PLXNA4: variants seen among roughly 807,000 people sequenced by gnomAD.
PLXNA4 encodes plexin-A4.
A neutral mutation model predicts 191.8 loss-of-function variants in PLXNA4; 44 were observed. That is an observed-to-expected ratio of 0.23 (90% confidence interval 0.18 to 0.29). The LOEUF (loss-of-function observed/expected upper bound fraction) is 0.29. PLXNA4 is among the 10% of genes least tolerant of loss of function. The pLI, the probability that PLXNA4 is intolerant of heterozygous loss-of-function variation, is 1.00. For synonymous variants in PLXNA4, 1,082 were observed against 1,009.5 expected (o/e 1.07, Z -1.36); for missense variants, 1,800 against 2,488.8 (o/e 0.72, Z 5.89).
chr7:132,141,702 A>C (rs1357611702), intron 29 of PLXNA4, among the ~76,000 whole-genome samples: 3 of 152,066 alleles, frequency 2.0e-5, no homozygotes, highest in African/African-American at 4.8e-5. Context: ...TGGGAGTTTT[A>C]AAACTTGTGT....
chr7:132,620,810 G>T (rs1277033975), intron 2 of PLXNA4, among the ~76,000 whole-genome samples: 1 of 152,136 alleles, frequency 6.6e-6, no homozygotes, highest in Non-Finnish European at 1.5e-5. Flanking sequence ...AGTCGTTCGG[G>T]CTGCTATCAC....
chr7:132,131,459 A>G (rs544456140), intron 31 of PLXNA4, among the ~76,000 whole-genome samples: 1 of 152,168 alleles, frequency 6.6e-6, no homozygotes, highest in East Asian at 1.9e-4. Context: ...GGCACTAGAC[A>G]ATTGGGTGGA....
At position 132,322,184 on chromosome 7, in the gene PLXNA4, C is replaced by CTGTCTTTTTTTTTTTTT. The variant is rs376377991; in HGVS notation, c.1372-23963_1372-23962insAAAAAAAAAAAAAGACA. Among the ~76,000 whole-genome samples, 328 of 122,478 alleles carry CTGTCTTTTTTTTTTTTT rather than the reference C, an allele frequency of 2.7e-3. 8 individuals are homozygous for CTGTCTTTTTTTTTTTTT. The highest frequency in any genetic ancestry group is 8.9e-3 in the African/African-American group (295 of 33,318). The allele number at this position is 122,478 out of a possible 152,430, so 80.4% of individuals were successfully genotyped here. A position where few individuals can be genotyped will look rare whatever the true frequency, so the allele number is the denominator to read the frequency against. On this transcript the variant is annotated intron_variant, in intron 3 of 31. Coordinates refer to ENST00000321063, the MANE Select transcript of PLXNA4 (RefSeq NM_020911.2). The stretch of plus-strand genomic sequence containing the variant: ...CTAGAGTTCAATTTCCCTAAAAGGG[C>CTGTCTTTTTTTTTTTTT]TTTTTTTTTTTTTTTTTTAACAGAG...
At chr7:132,241,004 C>T in intron 5 of PLXNA4, 62 bp downstream of exon 5, 1 of 1,201,708 alleles carries the variant, frequency 8.3e-7, no homozygotes, top group Non-Finnish European at 1.2e-6. Context: ...GACAGAGAAG[C>T]AGAGGAAGGG....
intron 5 of PLXNA4, among the ~76,000 whole-genome samples, chr7:132,232,449 C>T (rs966313497): frequency 6.6e-6 from 1 of 152,132 alleles, no homozygotes; most frequent in Non-Finnish European, 1.5e-5. Context: ...AGCAGGAAGC[C>T]GACCCCAAGA....
chr7:132,310,582 G>C (rs1285687447), intron 3 of PLXNA4, among the ~76,000 whole-genome samples: 1 of 152,152 alleles, frequency 6.6e-6, no homozygotes, highest in South Asian at 2.1e-4. Flanking sequence ...TAGCACTAAG[G>C]GCACCCGCAG....
chr7:132,625,832 A>T (rs1220532381), intron 2 of PLXNA4, among the ~76,000 whole-genome samples: 1 of 152,206 alleles, frequency 6.6e-6, no homozygotes, highest in East Asian at 1.9e-4. Flanking sequence ...TCCCCTAGGG[A>T]CTGGGATACA....
chr7:132,326,538 A>T (rs1584995378), intron 3 of PLXNA4, among the ~76,000 whole-genome samples: 1 of 150,098 alleles, frequency 6.7e-6, no homozygotes, highest in Admixed American at 6.6e-5. Context: ...TTGCCTTCCC[A>T]CTGTGCCTCC....
intron 4 of PLXNA4, among the ~76,000 whole-genome samples, chr7:132,270,687 T>C (rs1243625700): frequency 7.9e-5 from 12 of 152,204 alleles, no homozygotes; most frequent in Admixed American, 7.2e-4. Context: ...AAACCTGATG[T>C]ACAGGCAGAA....
intron 1 of PLXNA4, among the ~76,000 whole-genome samples, chr7:132,573,738 G>A (rs1425315585): frequency 1.3e-5 from 2 of 152,206 alleles, no homozygotes; most frequent in East Asian, 3.9e-4. Context: ...AGGAAGTCCT[G>A]GGAGGACAGA....
chr7:132,325,132 G>T (rs1001063372), intron 3 of PLXNA4, among the ~76,000 whole-genome samples: 1 of 152,160 alleles, frequency 6.6e-6, no homozygotes, highest in Non-Finnish European at 1.5e-5. Flanking sequence ...GCTTAGTTCA[G>T]AAAAAGAAAG....
chr7:132,195,633 A>G (rs1056459357), intron 13 of PLXNA4, among the ~76,000 whole-genome samples: 2 of 149,158 alleles, frequency 1.3e-5, no homozygotes, highest in African/African-American at 2.6e-5. Flanking sequence ...ATAATGGGGG[A>G]AAAAATCTCA....
chr7:132,427,837 T>A (rs955693655), intron 3 of PLXNA4, among the ~76,000 whole-genome samples: 1 of 152,178 alleles, frequency 6.6e-6, no homozygotes, highest in Non-Finnish European at 1.5e-5. Context: ...TTTGCAAATG[T>A]TTTTGCAAAA....
intron 24 of PLXNA4, among the ~76,000 whole-genome samples, chr7:132,160,839 C>G (rs1320413678): frequency 6.6e-6 from 1 of 152,224 alleles, no homozygotes; most frequent in African/African-American, 2.4e-5. Context: ...GCAATCAGAA[C>G]CCTGGGCTCT....
chr7:132,547,931 A>G (rs1800381973), intron 1 of PLXNA4, among the ~76,000 whole-genome samples: 1 of 152,182 alleles, frequency 6.6e-6, no homozygotes, highest in South Asian at 2.1e-4. Flanking sequence ...CACTATGACC[A>G]AATTAGGACA....
intron 24 of PLXNA4, among the ~76,000 whole-genome samples, chr7:132,160,789 GTC>G (rs941335257): frequency 2.0e-5 from 3 of 152,130 alleles, no homozygotes; most frequent in Non-Finnish European, 4.4e-5. Flanking sequence ...CCAGACAGCA[GTC>G]TCTCTCCCAC....
rs184535101 is a variant in PLXNA4, at chr7:132,486,068, C to T, written c.1371+3224G>A. Among the ~76,000 whole-genome samples the T allele has an allele frequency of 2.4e-3, 369 of 152,288 alleles. 2 individuals are homozygous for T. The highest frequency in any genetic ancestry group is 8.6e-3 in the African/African-American group (358 of 41,552). On this transcript the variant is annotated intron_variant, in intron 3 of 31. Coordinates refer to ENST00000321063, the MANE Select transcript of PLXNA4 (RefSeq NM_020911.2). ...CTCTCCTGCCCACCTACCCCCATTT[C>T]CAGTCTCTTGTCATACCGTAAAGAA...
chr7:132,646,822 C>T (rs1454926561), intron 1 of PLXNA4, among the ~76,000 whole-genome samples: 1 of 152,130 alleles, frequency 6.6e-6, no homozygotes, highest in Non-Finnish European at 1.5e-5. Context: ...TCCACAGTCT[C>T]ACAGACACAC....
intron 1 of PLXNA4, among the ~76,000 whole-genome samples, chr7:132,562,030 T>G (rs148189686): frequency 1.3e-5 from 1 of 78,112 alleles, no homozygotes; most frequent in African/African-American, 5.9e-5. Context: ...TCCTCCTCCT[T>G]CTCCTCCTCT....
Sources: allele counts gnomAD v4.1 joint callset (sites outside exome capture counted in the v4.1 genomes callset), GRCh38; gene constraint gnomAD v4.1.1; transcripts MANE v1.5; gene names NCBI Gene and HGNC (gene_info 2026-07-23, HGNC 2026-07-21).